FER1L6: variants seen among roughly 807,000 people sequenced by gnomAD.
The protein encoded by FER1L6 is fer-1-like protein 6.
In FER1L6, 177 loss-of-function variants were observed where a neutral mutation model predicts 219.2. The ratio of observed to expected loss-of-function variants is 0.81; its 90% confidence interval spans 0.71 to 0.91. The LOEUF is 0.91. FER1L6 is among the 40% of genes least tolerant of loss of function. FER1L6 has a pLI of 0.00. For synonymous variants in FER1L6, 768 were observed against 824.3 expected (o/e 0.93, Z 1.17); for missense variants, 2,153 against 2,259.9 (o/e 0.95, Z 0.96).
chr8:123,900,345 G>C (rs529273306), intron 1 of FER1L6, among the ~76,000 whole-genome samples: 1 of 152,212 alleles, frequency 6.6e-6, no homozygotes, highest in East Asian at 1.9e-4. Context: ...CATTAATCTT[G>C]TATCTGGAAA....
At chr8:123,931,908 G>C (rs950404293) in intron 1 of FER1L6, among the ~76,000 whole-genome samples, 1 of 152,192 alleles carries the variant, frequency 6.6e-6, no homozygotes, top group Non-Finnish European at 1.5e-5. Context: ...TACAAAAACA[G>C]TTATTTTAAA....
intron 3 of FER1L6, among the ~76,000 whole-genome samples, chr8:123,965,449 A>G (rs998573339): frequency 2.6e-5 from 4 of 152,218 alleles, no homozygotes; most frequent in African/African-American, 9.7e-5. Flanking sequence ...CATGTTTTCA[A>G]TTACTTGTGA....
rs568729011 is a variant in FER1L6 at position 124,089,265 on chromosome 8, GTTTC to G, written c.4392-2152_4392-2149del. Among the ~76,000 whole-genome samples, 33 of 152,256 alleles carry G rather than the reference GTTTC, an allele frequency of 2.2e-4. No homozygotes were observed. The South Asian group carries it at 5.2e-3, about 24-fold the overall frequency. On this transcript the variant is annotated intron_variant, in intron 33 of 40. Coordinates refer to ENST00000522917, the MANE Select transcript of FER1L6 (RefSeq NM_001039112.2). ...AGCTGAGTTCTGAGTTGTGTCTGGT[GTTTC>G]TTTCTGCTGTGACAGGGTAGCACTG...
intron 9 of FER1L6, among the ~76,000 whole-genome samples, 178 bp downstream of exon 9, chr8:123,976,262 C>T (rs998830807): frequency 1.3e-5 from 2 of 152,110 alleles, no homozygotes; most frequent in African/African-American, 4.8e-5. Context: ...AGCACTTTGG[C>T]AGGCTGAGGT....
chr8:124,033,972 T>G (rs1279562006), intron 18 of FER1L6, among the ~76,000 whole-genome samples: 1 of 152,066 alleles, frequency 6.6e-6, no homozygotes, highest in Non-Finnish European at 1.5e-5. Flanking sequence ...TGGCAGTAGT[T>G]GCTAAGCTGA....
At chr8:124,058,666 A>C (rs1283601770) in intron 22 of FER1L6, 2 of 152,328 alleles carry the variant, frequency 1.3e-5, no homozygotes, top group East Asian at 1.9e-4. Context: ...GCTTTTTAAA[A>C]AGCACATCTA....
chr8:123,973,380 G>C, intron 6 of FER1L6, 54 bp from the exon 7 acceptor site: 2 of 1,414,192 alleles, frequency 1.4e-6, no homozygotes, highest in Non-Finnish European at 2.0e-6. Context: ...CAAGGGTCAA[G>C]GCCTCTTATC....
At chr8:124,030,038 T>G (rs1018167310) in intron 18 of FER1L6, among the ~76,000 whole-genome samples, 1 of 152,222 alleles carries the variant, frequency 6.6e-6, no homozygotes, top group African/African-American at 2.4e-5. Context: ...TCCCCATTGC[T>G]CGTTTGTGTC....
Position 124,119,780 on chromosome 8 carries a change from T to C in FER1L6, c.5564T>C (p.Val1855Ala), listed in dbSNP as rs1266382970. The change falls in exon 41 of 41, where the codon GTG (valine) becomes GCG (alanine). Residue 1855 changes from valine (V) to alanine (A), a missense_variant. Coordinates refer to ENST00000522917, the MANE Select transcript of FER1L6 (RefSeq NM_001039112.2). ...LPGAISRRIV[V>A]GS ...GGAGCCATCAGCCGAAGGATCGTTG[T>C]GGGCTCATAGAGGATCATGGAGGAC... 4 of 1,613,830 alleles carry C rather than the reference T, an allele frequency of 2.5e-6. No homozygotes were observed. The highest frequency in any genetic ancestry group is 3.4e-6 in the Non-Finnish European group (4 of 1,179,920).
chr8:124,010,743 G>C (rs977646168), intron 14 of FER1L6, 29 bp downstream of exon 14: 2 of 1,608,384 alleles, frequency 1.2e-6, no homozygotes, highest in East Asian at 2.2e-5. Context: ...TGATGGATTA[G>C]AGAATTGGGA....
intron 1 of FER1L6, among the ~76,000 whole-genome samples, chr8:123,943,362 A>C (rs1003664786): frequency 5.3e-5 from 8 of 152,098 alleles, no homozygotes; most frequent in East Asian, 3.9e-4. Context: ...GAAATAAAAC[A>C]TATTGGCGGC....
At chr8:123,988,028 G>A (rs1563727184) in intron 12 of FER1L6, among the ~76,000 whole-genome samples, 1 of 152,112 alleles carries the variant, frequency 6.6e-6, no homozygotes, top group Non-Finnish European at 1.5e-5. Flanking sequence ...AACCCGGGAG[G>A]CGGAGGTTGC....
rs754483494 is a variant in FER1L6, at chr8:124,115,123, A to T, written c.5290-3721A>T. Among the ~76,000 whole-genome samples the T allele has an allele frequency of 1.1e-4, 17 of 151,220 alleles. 1 individual carries two copies. Among genetic ancestry groups the T allele is most frequent in the Admixed American group, 2.0e-4 (3 of 15,120 alleles). Reference sequence around the variant, plus strand: ...TAGGCATGGTGCAGTTTGGCACATTATATATGTGGTATGACAAATCCAGTC... The same window carrying T: ...TAGGCATGGTGCAGTTTGGCACATTTTATATGTGGTATGACAAATCCAGTC... On this transcript the variant is annotated intron_variant, in intron 39 of 40. Coordinates refer to ENST00000522917, the MANE Select transcript of FER1L6 (RefSeq NM_001039112.2).
intron 2 of FER1L6, among the ~76,000 whole-genome samples, chr8:123,962,418 G>T (rs1815330546): frequency 6.6e-6 from 1 of 152,056 alleles, no homozygotes; most frequent in African/African-American, 2.4e-5. Flanking sequence ...TTAAGTATAG[G>T]AGTGCATGAC....
intron 13 of FER1L6, among the ~76,000 whole-genome samples, chr8:124,003,706 A>T (rs1255367120): frequency 3.3e-5 from 5 of 151,838 alleles, no homozygotes; most frequent in Admixed American, 3.3e-4. Flanking sequence ...TGATCTCATG[A>T]TCCTCCTGCC....
At chr8:123,888,516 T>C (rs1015370685) in intron 1 of FER1L6, among the ~76,000 whole-genome samples, 13 of 152,160 alleles carry the variant, frequency 8.5e-5, no homozygotes, top group African/African-American at 3.1e-4. Context: ...ATTCAGGCAT[T>C]TATGCTGCTA....
In FER1L6 at chr8:123,871,948, T is replaced by G. The variant is rs141206235; in HGVS notation, c.-8+19763T>G. ...GTATTAGGCTGTTCTTGCATTGCTA[T>G]AAAGAAATACCTGAGACTGGGTAAC... On this transcript the variant is annotated intron_variant, in intron 1 of 40. Transcript: ENST00000522917. 8.8e-3 allele frequency among the ~76,000 whole-genome samples: 1,343 copies of G among 152,294 alleles called. 15 individuals are homozygous for G. Among genetic ancestry groups the G allele is most frequent in the African/African-American group, 0.03 (1,265 of 41,550 alleles).
intron 32 of FER1L6, among the ~76,000 whole-genome samples, chr8:124,078,715 G>GTTAA: frequency 6.6e-6 from 1 of 151,984 alleles, no homozygotes; most frequent in South Asian, 2.1e-4. Flanking sequence ...CAGGTGGGAT[G>GTTAA]GGATGGGTGG....
rs1820737122 is a variant in FER1L6, at chr8:124,064,449, C to T, written c.3431C>T (p.Thr1144Ile). Reference sequence around the variant, plus strand: ...TATGTGGATGTTGAGCCACCTCCCACAGTGGTGCCCGACTCTGCCCAGGCC... The same window carrying T: ...TATGTGGATGTTGAGCCACCTCCCATAGTGGTGCCCGACTCTGCCCAGGCC... ...HIYVDVEPPP[T>I]VVPDSAQAQP... The change falls in exon 26 of 41, where the codon ACA (threonine) becomes ATA (isoleucine). Residue 1144 changes from threonine (T) to isoleucine (I), a missense_variant. Coordinates refer to ENST00000522917, the MANE Select transcript of FER1L6 (RefSeq NM_001039112.2). The T allele has an allele frequency of 6.2e-7, 1 of 1,613,912 alleles. No individual in the cohort carries two copies. Among genetic ancestry groups the T allele is most frequent in the Admixed American group, 1.7e-5 (1 of 59,952 alleles).
Sources: allele counts gnomAD v4.1 joint callset (sites outside exome capture counted in the v4.1 genomes callset), GRCh38; gene constraint gnomAD v4.1.1; transcripts MANE v1.5; gene names NCBI Gene and HGNC (gene_info 2026-07-23, HGNC 2026-07-21).